SPTLC2: variants seen among roughly 807,000 people sequenced by gnomAD.
SPTLC2 encodes the protein serine palmitoyltransferase 2.
Under a neutral mutation model 62.0 loss-of-function variants are expected in SPTLC2, and 21 were observed. The ratio of observed to expected loss-of-function variants is 0.34; its 90% CI spans 0.24 to 0.49. The LOEUF is 0.49. SPTLC2 is among the 20% of genes least tolerant of loss of function. The pLI is 0.99. For synonymous variants in SPTLC2, 261 were observed against 261.8 expected (o/e 1.00, Z 0.03); for missense variants, 511 against 713.0 (o/e 0.72, Z 3.23).
chr14:77,577,667 C>T (rs1029051901), intron 3 of SPTLC2, among the ~76,000 whole-genome samples: 1 of 151,890 alleles, frequency 6.6e-6, no homozygotes, highest in Admixed American at 6.6e-5. Context: ...TGGGAGGCCG[C>T]GGTGGGTGGA....
chr14:77,587,646 A>G (rs945962870), intron 2 of SPTLC2, among the ~76,000 whole-genome samples: 1 of 151,956 alleles, frequency 6.6e-6, no homozygotes, highest in Non-Finnish European at 1.5e-5. Flanking sequence ...AGGCACCTGT[A>G]ATCCCAGCTA....
chr14:77,583,238 T>TAAATAAAAAAAA (rs1397782318), intron 2 of SPTLC2, among the ~76,000 whole-genome samples: 2 of 140,248 alleles, frequency 1.4e-5, no homozygotes, highest in African/African-American at 5.3e-5. Flanking sequence ...AATAAATAAA[T>TAAATAAAAAAAA]AAAAATAATA....
chr14:77,555,536 A>T lies in SPTLC2; in HGVS notation c.957-17T>A. The stretch of plus-strand genomic sequence containing the variant: ...CCCTCCATGCTGGCAAAACATGAAA[A>T]AATATATATATACACATATACACTG... On this transcript the variant is annotated splice_polypyrimidine_tract_variant and intron_variant, in intron 7 of 11. Coordinates refer to ENST00000216484, the MANE Select transcript of SPTLC2 (RefSeq NM_004863.4). The T allele has an allele frequency of 6.2e-7, 1 of 1,610,656 alleles. No individual in the cohort carries two copies. Among genetic ancestry groups the T allele is most frequent in the African/African-American group, 1.3e-5 (1 of 74,978 alleles).
chr14:77,587,244 T>A (rs193202562), intron 2 of SPTLC2, among the ~76,000 whole-genome samples: 3 of 150,760 alleles, frequency 2.0e-5, no homozygotes, highest in Non-Finnish European at 3.0e-5. Context: ...AAAAAAAGAA[T>A]TCTCAAACAC....
chr14:77,594,716 T>C (rs1208923367), intron 2 of SPTLC2, among the ~76,000 whole-genome samples: 6 of 152,230 alleles, frequency 3.9e-5, no homozygotes, highest in African/African-American at 1.4e-4. Flanking sequence ...CTTCATGCCT[T>C]TGCCTATACT....
intron 1 of SPTLC2, among the ~76,000 whole-genome samples, chr14:77,610,641 C>T (rs76349828): frequency 0.027 from 4,171 of 152,088 alleles, 185 homozygotes; most frequent in African/African-American, 0.096. Context: ...TCAGTACAAC[C>T]GCATATTTCA....
intron 9 of SPTLC2, among the ~76,000 whole-genome samples, chr14:77,529,642 T>TTG: frequency 1.1e-5 from 1 of 95,010 alleles, no homozygotes; most frequent in South Asian, 3.3e-4. Context: ...TTTTTTTTTT[T>TTG]GAGACAGAGT....
chr14:77,533,296 G>A (rs1325829746), intron 9 of SPTLC2, among the ~76,000 whole-genome samples: 3 of 111,650 alleles, frequency 2.7e-5, no homozygotes, highest in East Asian at 2.9e-4. Flanking sequence ...GCGAAACTCC[G>A]TTGCAAAAAA....
chr14:77,530,900 T>C (rs181150477), intron 9 of SPTLC2, among the ~76,000 whole-genome samples: 125 of 152,306 alleles, frequency 8.2e-4, no homozygotes, highest in Middle Eastern at 6.8e-3. Flanking sequence ...GTGAGTAACT[T>C]TGTTGCATTA....
At chr14:77,529,250 C>CTTTTTTTTTTTTTTTTTTTTTTT (rs1566769822) in intron 9 of SPTLC2, among the ~76,000 whole-genome samples, 1 of 107,408 alleles carries the variant, frequency 9.3e-6, no homozygotes. Flanking sequence ...TTGAAAACTT[C>CTTTTTTTTTTTTTTTTTTTTTTT]TTCTTTTTTT....
At chr14:77,523,370 T>A (rs2079393915) in intron 9 of SPTLC2, among the ~76,000 whole-genome samples, 2 of 152,130 alleles carry the variant, frequency 1.3e-5, no homozygotes, top group African/African-American at 4.8e-5. Flanking sequence ...GAGGGCCCAG[T>A]CTTGCCAGCT....
chr14:77,535,404 A>G (rs1464003497), intron 9 of SPTLC2, among the ~76,000 whole-genome samples: 1 of 152,138 alleles, frequency 6.6e-6, no homozygotes, highest in Non-Finnish European at 1.5e-5. Context: ...GCCTTTGGGG[A>G]GGGTTCTTAA....
At position 77,598,559 on chromosome 14, in the gene SPTLC2, C is replaced by T. The variant is rs900276018; in HGVS notation, c.133-1179G>A. ...AATAATTATCAGCAGTAGGCCCCTG[C>T]AGAAACACGTAGTTCAAATTAACCT... On this transcript the variant is annotated intron_variant, in intron 1 of 11. Transcript: ENST00000216484. Among the ~76,000 whole-genome samples the T allele has an allele frequency of 3.9e-5, 6 of 152,324 alleles. No individual in the cohort carries two copies. The South Asian group carries it at 1.0e-3, about 26-fold the overall frequency.
intron 2 of SPTLC2, among the ~76,000 whole-genome samples, chr14:77,593,261 G>A (rs77386529): frequency 0.034 from 5,192 of 152,102 alleles, 295 homozygotes; most frequent in African/African-American, 0.12. Flanking sequence ...TACTCCTTAC[G>A]TTCCTAGCTA....
At chr14:77,545,862 T>C (rs1424357261) in intron 9 of SPTLC2, among the ~76,000 whole-genome samples, 3 of 152,160 alleles carry the variant, frequency 2.0e-5, no homozygotes, top group Non-Finnish European at 2.9e-5. Flanking sequence ...AAACTTTTAA[T>C]AGCATTTGGA....
intron 2 of SPTLC2, among the ~76,000 whole-genome samples, chr14:77,596,457 C>T (rs146867687): frequency 1.3e-5 from 2 of 152,122 alleles, no homozygotes; most frequent in Admixed American, 6.5e-5. Flanking sequence ...GAGCCGAGAT[C>T]GCACCACTGC....
intron 11 of SPTLC2, among the ~76,000 whole-genome samples, chr14:77,513,041 T>TTTTTTTG (rs1210930555): frequency 4.1e-5 from 6 of 147,614 alleles, no homozygotes; most frequent in African/African-American, 1.2e-4. Flanking sequence ...TTTTTTTTTT[T>TTTTTTTG]TTGAGACAGA....
At chr14:77,531,420 TTTC>T (rs145629888) in intron 9 of SPTLC2, among the ~76,000 whole-genome samples, 10,119 of 129,528 alleles carry the variant, frequency 0.078, 734 homozygotes, top group Non-Finnish European at 0.11. Context: ...GGACCATGAC[TTTC>T]TTCTTCTTCT....
At chr14:77,540,355 C>T (rs2079494549) in intron 9 of SPTLC2, among the ~76,000 whole-genome samples, 1 of 152,048 alleles carries the variant, frequency 6.6e-6, no homozygotes. Context: ...ATAAATTTAA[C>T]ACCACATTCT....
Sources: gnomAD v4.1 joint callset for allele counts (sites outside exome capture counted in the v4.1 genomes callset) on GRCh38, gnomAD v4.1.1 for gene constraint, MANE v1.5 for transcripts, NCBI Gene and HGNC (gene_info 2026-07-23, HGNC 2026-07-21) for gene names.